The following LUZP2 variants were observed in gnomAD, a reference collection of about 807,000 sequenced individuals.
LUZP2 encodes the protein leucine zipper protein 2.
LUZP2 carries 52 observed loss-of-function variants against 51.6 expected under a neutral mutation model. The ratio of observed to expected loss-of-function variants is 1.01; its 90% CI spans 0.81 to 1.27. The LOEUF (loss-of-function observed/expected upper bound fraction) is 1.27. Among genes scored for constraint, LUZP2 ranks in the 50% most tolerant of loss-of-function variants. The probability of loss-of-function intolerance (pLI) is 0.00; values close to 1 mark genes in which losing one functional copy is unlikely to be tolerated. For missense variants in LUZP2, 436 were observed against 395.4 expected (o/e 1.10, Z -0.87); for synonymous variants, 154 against 137.3 (o/e 1.12, Z -0.85).
At chr11:24,573,208 A>G (rs940034940) in intron 1 of LUZP2, among the ~76,000 whole-genome samples, 5 of 152,008 alleles carry the variant, frequency 3.3e-5, no homozygotes, top group African/African-American at 4.8e-5. Context: ...AACACCTCAT[A>G]TTTTGTAAAT....
At chr11:24,631,355 T>A (rs2133926857) in intron 1 of LUZP2, among the ~76,000 whole-genome samples, 1 of 151,876 alleles carries the variant, frequency 6.6e-6, no homozygotes, top group East Asian at 1.9e-4. Flanking sequence ...TTTGAGGTAC[T>A]TTCCTTCAAT....
intron 10 of LUZP2, among the ~76,000 whole-genome samples, chr11:25,060,899 G>C (rs1168571154): frequency 6.6e-6 from 1 of 151,186 alleles, no homozygotes; most frequent in Non-Finnish European, 1.5e-5. Context: ...TGAATCCTTT[G>C]TCTATTTTTC....
rs536125517 is a variant in LUZP2, at chr11:24,599,817, G to A, written c.62+102512G>A. Reference sequence around the variant, plus strand: ...TGAAACTACTAAATTTGAAAAGTACGTAAAAAAAACAAGATTTTCCTCATT... The same window carrying A: ...TGAAACTACTAAATTTGAAAAGTACATAAAAAAAACAAGATTTTCCTCATT... On this transcript the variant is annotated intron_variant, in intron 1 of 11. Transcript: ENST00000336930. Among the ~76,000 whole-genome samples, 19 of 152,050 alleles carry A rather than the reference G, an allele frequency of 1.2e-4. No homozygotes were observed. The South Asian group carries it at 1.9e-3, about 15-fold the overall frequency.
At position 24,745,200 on chromosome 11, in the gene LUZP2, C is replaced by T. The variant is rs551123836; in HGVS notation, c.333+6898C>T. ...TATATTCTGGGGTTGTTGGATGAAA[C>T]GTTCTGTATATATCTGTTAAGTCCA... On this transcript the variant is annotated intron_variant, in intron 4 of 11. Coordinates refer to ENST00000336930, the MANE Select transcript of LUZP2 (RefSeq NM_001009909.4). Among the ~76,000 whole-genome samples, 61 of 152,110 alleles carry T rather than the reference C, an allele frequency of 4.0e-4. No individual in the cohort carries two copies. In the South Asian group the frequency reaches 0.01, roughly 25 times the overall value.
At chr11:24,660,113 T>C (rs4561214) in intron 1 of LUZP2, among the ~76,000 whole-genome samples, 29,219 of 152,058 alleles carry the variant, frequency 0.19, 2,921 homozygotes, top group East Asian at 0.34. Context: ...GAAGCGACCA[T>C]GCATTCTACA....
chr11:24,920,258 T>C (rs975235535), intron 7 of LUZP2, among the ~76,000 whole-genome samples: 2 of 152,014 alleles, frequency 1.3e-5, no homozygotes, highest in African/African-American at 4.8e-5. Flanking sequence ...ATACCATGTG[T>C]CATTCAGTGT....
At chr11:24,916,624 A>G (rs1052797009) in intron 7 of LUZP2, among the ~76,000 whole-genome samples, 23 of 152,094 alleles carry the variant, frequency 1.5e-4, no homozygotes, top group African/African-American at 5.3e-4. Flanking sequence ...TGAGAATGAT[A>G]GTTTCCAGCT....
chr11:24,904,250 T>G (rs1385968813), intron 5 of LUZP2, among the ~76,000 whole-genome samples: 1 of 152,190 alleles, frequency 6.6e-6, no homozygotes, highest in Admixed American at 6.5e-5. Context: ...TTGGCATTTG[T>G]TTGTCTTCCT....
At chr11:24,773,654 G>T (rs1463146208) in intron 5 of LUZP2, among the ~76,000 whole-genome samples, 1 of 152,114 alleles carries the variant, frequency 6.6e-6, no homozygotes, top group Non-Finnish European at 1.5e-5. Context: ...GGCTTGGGAG[G>T]TCCCTTAGGG....
At chr11:24,869,952 A>G (rs1852009166) in intron 5 of LUZP2, among the ~76,000 whole-genome samples, 1 of 152,162 alleles carries the variant, frequency 6.6e-6, no homozygotes, top group Non-Finnish European at 1.5e-5. Context: ...TAGGTAGCCA[A>G]ATTGTGAATG....
intron 9 of LUZP2, among the ~76,000 whole-genome samples, chr11:24,988,123 G>T (rs1049762245): frequency 2.6e-5 from 4 of 151,906 alleles, no homozygotes; most frequent in Non-Finnish European, 5.9e-5. Context: ...TAATACAGAG[G>T]TGATCAATTT....
At chr11:24,695,231 G>A (rs1207118526) in intron 1 of LUZP2, among the ~76,000 whole-genome samples, 4 of 151,964 alleles carry the variant, frequency 2.6e-5, no homozygotes, top group Admixed American at 6.6e-5. Context: ...AATAAATGTG[G>A]AACATTTATA....
intron 1 of LUZP2, among the ~76,000 whole-genome samples, chr11:24,674,246 A>G (rs1856479739): frequency 6.6e-6 from 1 of 152,248 alleles, no homozygotes; most frequent in South Asian, 2.1e-4. Flanking sequence ...TCATGTGTCC[A>G]GGCTCTCTGG....
At chr11:24,600,606 A>C (rs1371738375) in intron 1 of LUZP2, among the ~76,000 whole-genome samples, 1 of 152,126 alleles carries the variant, frequency 6.6e-6, no homozygotes, top group Non-Finnish European at 1.5e-5. Flanking sequence ...ATTTTTCCGC[A>C]AATTATCAAA....
At chr11:24,730,459 T>A (rs1858673255) in intron 2 of LUZP2, among the ~76,000 whole-genome samples, 1 of 151,010 alleles carries the variant, frequency 6.6e-6, no homozygotes, top group Non-Finnish European at 1.5e-5. Flanking sequence ...GGTATCAGAA[T>A]GAAAACAGCG....
chr11:24,920,626 T>C (rs1854018223), intron 7 of LUZP2, among the ~76,000 whole-genome samples: 2 of 152,008 alleles, frequency 1.3e-5, no homozygotes, highest in African/African-American at 4.8e-5. Flanking sequence ...AATCATGTCT[T>C]TTGCAGCAAT....
intron 7 of LUZP2, among the ~76,000 whole-genome samples, chr11:24,933,771 T>G (rs1854520710): frequency 6.6e-6 from 1 of 152,272 alleles, no homozygotes; most frequent in Admixed American, 6.5e-5. Flanking sequence ...AATAAATCTT[T>G]TTAATTACCT....
chr11:25,064,150 A>G (rs1368477353), intron 10 of LUZP2, among the ~76,000 whole-genome samples: 2 of 146,532 alleles, frequency 1.4e-5, no homozygotes, highest in Non-Finnish European at 3.1e-5. Flanking sequence ...CATACCATAT[A>G]GTTTATTTTA....
chr11:24,906,026 C>G lies in LUZP2; in HGVS notation c.432C>G (p.Asn144Lys), dbSNP rs1853442045. 1 of 1,613,224 alleles carries G rather than the reference C, an allele frequency of 6.2e-7. No individual in the cohort carries two copies. The highest frequency in any genetic ancestry group is 8.5e-7 in the Non-Finnish European group (1 of 1,179,548). The change falls in exon 6 of 12, where the codon AAC (asparagine) becomes AAG (lysine). Residue 144 changes from asparagine (N) to lysine (K), a missense_variant. Coordinates refer to ENST00000336930, the MANE Select transcript of LUZP2 (RefSeq NM_001009909.4). ...TGAAAAACAAACTCTTGTCAGGAAA[C>G]AAGCTCTGTGGCATTCACGCAGAAG... is the stretch of plus-strand genomic sequence containing the variant. ...KSLKNKLLSG[N>K]KLCGIHAEES...
Sources: gnomAD v4.1 joint callset for allele counts (sites outside exome capture counted in the v4.1 genomes callset) on GRCh38, gnomAD v4.1.1 for gene constraint, MANE v1.5 for transcripts, NCBI Gene and HGNC (gene_info 2026-07-23, HGNC 2026-07-21) for gene names.